KCNAB1: variants seen among roughly 807,000 people sequenced by gnomAD.
KCNAB1 encodes voltage-gated potassium channel subunit beta-1.
A neutral mutation model predicts 64.6 loss-of-function variants in KCNAB1; 35 were observed. That is an observed-to-expected ratio of 0.54 (90% CI 0.41 to 0.72). KCNAB1 has a LOEUF of 0.72. Ranked by LOEUF, KCNAB1 falls within the 30% of genes least tolerant of loss-of-function variation. The probability of loss-of-function intolerance (pLI) is 0.00; values close to 1 mark genes in which losing one functional copy is unlikely to be tolerated. For missense variants in KCNAB1, 401 were observed against 512.9 expected (o/e 0.78, Z 2.11); for synonymous variants, 177 against 183.8 (o/e 0.96, Z 0.30).
chr3:156,234,111 G>T (rs141890546), intron 1 of KCNAB1, among the ~76,000 whole-genome samples: 165 of 152,190 alleles, frequency 1.1e-3, no homozygotes, highest in African/African-American at 3.8e-3. Context: ...CGTGGACACA[G>T]AAGAGAAGAA....
At chr3:156,289,507 T>G (rs756572615) in intron 1 of KCNAB1, among the ~76,000 whole-genome samples, 10 of 152,230 alleles carry the variant, frequency 6.6e-5, no homozygotes, top group Non-Finnish European at 1.3e-4. Context: ...GCTTCCTCTC[T>G]GCCCACTGTT....
At chr3:156,291,677 G>A in intron 1 of KCNAB1, 4 of 1,401,556 alleles carry the variant, frequency 2.9e-6, no homozygotes, top group South Asian at 3.1e-5. Context: ...CTTCGGGGCC[G>A]TCTGTTTACT....
chr3:156,206,948 C>G (rs1714701748), intron 1 of KCNAB1, among the ~76,000 whole-genome samples: 2 of 152,210 alleles, frequency 1.3e-5, no homozygotes, highest in Non-Finnish European at 2.9e-5. Flanking sequence ...AGGAGCCTAT[C>G]AGAGAATTTG....
intron 1 of KCNAB1, among the ~76,000 whole-genome samples, chr3:156,325,200 C>T (rs527665751): frequency 1.7e-4 from 26 of 152,142 alleles, no homozygotes; most frequent in Non-Finnish European, 2.9e-4. Context: ...AGTAACTGTT[C>T]TGAGATCTCT....
At chr3:156,121,136 CA>C (rs1713319527) in intron 1 of KCNAB1, among the ~76,000 whole-genome samples, 1 of 152,142 alleles carries the variant, frequency 6.6e-6, no homozygotes, top group African/African-American at 2.4e-5. Flanking sequence ...GCTGACAGGA[CA>C]AAAGAGCATT....
At chr3:156,290,236 C>T (rs2107966070) in intron 1 of KCNAB1, among the ~76,000 whole-genome samples, 1 of 152,338 alleles carries the variant, frequency 6.6e-6, no homozygotes, top group Non-Finnish European at 1.5e-5. Context: ...TTGTCCTTCC[C>T]TCCCAGATGG....
intron 1 of KCNAB1, among the ~76,000 whole-genome samples, chr3:156,222,329 CAAAG>C (rs1371497993): frequency 2.0e-5 from 3 of 152,146 alleles, no homozygotes; most frequent in Non-Finnish European, 4.4e-5. Flanking sequence ...TTAAAAAAGA[CAAAG>C]AACACTATAT....
intron 1 of KCNAB1, among the ~76,000 whole-genome samples, chr3:156,194,395 C>G (rs1055687096): frequency 6.6e-6 from 1 of 152,016 alleles, no homozygotes; most frequent in Non-Finnish European, 1.5e-5. Context: ...TTTGGTACTT[C>G]CACTATTTTC....
At chr3:156,475,040 C>T (rs562779730) in intron 8 of KCNAB1, among the ~76,000 whole-genome samples, 24 of 152,294 alleles carry the variant, frequency 1.6e-4, no homozygotes, top group Admixed American at 1.2e-3. Flanking sequence ...GCATTGGGCT[C>T]GTGGCTCCCG....
intron 1 of KCNAB1, among the ~76,000 whole-genome samples, chr3:156,223,501 A>C (rs1346743007): frequency 1.3e-5 from 2 of 152,166 alleles, no homozygotes; most frequent in Admixed American, 1.3e-4. Context: ...CCAAGTCCCC[A>C]CTAGATTAGC....
chr3:156,355,250 G>A (rs1725153185), intron 1 of KCNAB1, among the ~76,000 whole-genome samples: 1 of 152,128 alleles, frequency 6.6e-6, no homozygotes, highest in Non-Finnish European at 1.5e-5. Flanking sequence ...TTTTATAAAG[G>A]ACATATGATA....
Position 156,333,742 on chromosome 3 carries a change from G to A in KCNAB1, c.276-87874G>A, listed in dbSNP as rs116464746. On this transcript the variant is annotated intron_variant, in intron 1 of 13. Transcript: ENST00000490337. Reference sequence around the variant, plus strand: ...AAGATAGCTTCCAAATACACTCCTAGTGATAATGTTTGAGAATGCCTATTT... The same window carrying A: ...AAGATAGCTTCCAAATACACTCCTAATGATAATGTTTGAGAATGCCTATTT... Among the ~76,000 whole-genome samples, 838 of 152,234 alleles carry A rather than the reference G, an allele frequency of 5.5e-3. 9 individuals carry two copies. Among genetic ancestry groups the A allele is most frequent in the African/African-American group, 0.019 (801 of 41,542 alleles).
intron 1 of KCNAB1, among the ~76,000 whole-genome samples, chr3:156,211,117 G>T (rs192906833): frequency 1.3e-5 from 2 of 152,124 alleles, no homozygotes; most frequent in African/African-American, 2.4e-5. Context: ...AAAAAGGGGT[G>T]CAGTGGAGTG....
chr3:156,267,128 T>G (rs1266049091), intron 1 of KCNAB1, among the ~76,000 whole-genome samples: 1 of 152,146 alleles, frequency 6.6e-6, no homozygotes, highest in Non-Finnish European at 1.5e-5. Context: ...CGGTATATAG[T>G]ATATCTTTTT....
chr3:156,297,149 T>G (rs1448700486), intron 1 of KCNAB1, among the ~76,000 whole-genome samples: 1 of 151,514 alleles, frequency 6.6e-6, no homozygotes, highest in Non-Finnish European at 1.5e-5. Context: ...CCACATCCAC[T>G]CCCCCTTCTC....
intron 1 of KCNAB1, among the ~76,000 whole-genome samples, chr3:156,198,973 AT>A (rs1007287363): frequency 4.4e-5 from 1 of 22,848 alleles, no homozygotes; most frequent in African/African-American, 2.1e-4. Context: ...TCCTTTTCAT[AT>A]TTAGTGCTTC....
In KCNAB1 at chr3:156,537,252, A is replaced by G. The variant is rs1356043223; in HGVS notation, c.*505A>G. The stretch of plus-strand genomic sequence containing the variant: ...ATATATCTCACTGCAAAAAAAAAAA[A>G]GCAGTATCTTCACTCAAAAGTCTTG... On this transcript the variant is annotated 3_prime_UTR_variant, in exon 14 of 14. Transcript: ENST00000490337. The G allele has an allele frequency of 2.6e-6, 1 of 386,762 alleles. No individual in the cohort carries two copies. The highest frequency in any genetic ancestry group is 4.5e-6 in the Non-Finnish European group (1 of 220,632). 24.0% of individuals were successfully genotyped at this position (386,762 alleles called of 1,614,324 possible).
At chr3:156,179,233 A>G (rs2108341957) in intron 1 of KCNAB1, among the ~76,000 whole-genome samples, 1 of 152,190 alleles carries the variant, frequency 6.6e-6, no homozygotes, top group East Asian at 1.9e-4. Context: ...TCAAAATAGT[A>G]AAGATTTAAG....
chr3:156,277,350 G>C (rs1442066669), intron 1 of KCNAB1, among the ~76,000 whole-genome samples: 4 of 152,128 alleles, frequency 2.6e-5, no homozygotes, highest in African/African-American at 4.8e-5. Context: ...ATATGACACA[G>C]AGACATGAAG....
Sources: gnomAD v4.1 joint callset for allele counts (sites outside exome capture counted in the v4.1 genomes callset) on GRCh38, gnomAD v4.1.1 for gene constraint, MANE v1.5 for transcripts, NCBI Gene and HGNC (gene_info 2026-07-23, HGNC 2026-07-21) for gene names.